CELSR1: variants seen among roughly 807,000 people sequenced by gnomAD.
The protein encoded by CELSR1 is cadherin EGF LAG seven-pass G-type receptor 1, also known as adhesion G protein-coupled receptor C1.
A neutral mutation model predicts 249.1 loss-of-function variants in CELSR1; 110 were observed. That is an observed-to-expected ratio of 0.44 (90% confidence interval 0.38 to 0.52). The LOEUF (loss-of-function observed/expected upper bound fraction) is 0.52. Ranked by LOEUF, CELSR1 falls within the 20% of genes least tolerant of loss-of-function variation. CELSR1 has a pLI of 0.00. For missense variants in CELSR1, 4,109 were observed against 4,296.4 expected (o/e 0.96, Z 1.22); for synonymous variants, 2,113 against 1,900.0 (o/e 1.11, Z -2.92).
At chr22:46,379,624 A>G (rs544811878) in intron 22 of CELSR1, among the ~76,000 whole-genome samples, 1 of 152,348 alleles carries the variant, frequency 6.6e-6, no homozygotes, top group South Asian at 2.1e-4. Context: ...TTGCTTATTA[A>G]CTAGAACTTG....
intron 3 of CELSR1, among the ~76,000 whole-genome samples, chr22:46,438,253 A>T (rs1047793654): frequency 2.0e-5 from 3 of 152,168 alleles, no homozygotes; most frequent in Non-Finnish European, 4.4e-5. Context: ...GCAGCTGGGA[A>T]CGGAGCCCGG....
chr22:46,366,236 AGGGAAGTTGCGGGTGGGAAG>A, intron 30 of CELSR1, 130 bp downstream of exon 30: 1 of 123,740 alleles, frequency 8.1e-6, no homozygotes, highest in Non-Finnish European at 1.4e-5. Flanking sequence ...CGGGGCAGGG[AGGGAAGTTGCGGGTGGGAAG>A]AAGGTGCGGG....
At chr22:46,426,145 G>GGGGAGGGCGCAGCCA (rs1406438802) in intron 5 of CELSR1, among the ~76,000 whole-genome samples, 9 of 152,246 alleles carry the variant, frequency 5.9e-5, no homozygotes, top group African/African-American at 2.2e-4. Flanking sequence ...GGGCGCAGCC[G>GGGGAGGGCGCAGCCA]GGGAGGGGGC....
Position 46,380,741 on chromosome 22 carries a change from T to TA in CELSR1, c.7256+46_7256+47insT. ...TGAGCCCCCGACCCTGCGGGGGCACTCTGCCTTGGCAAAGCCCTCACATGG... is the reference window on the plus strand; with the variant it reads ...TGAGCCCCCGACCCTGCGGGGGCACTACTGCCTTGGCAAAGCCCTCACATGG... On this transcript the variant is annotated intron_variant, in intron 22 of 34. Transcript: ENST00000674500. This position sits in a 1 kb window ranked among gnomAD's most constrained non-coding sequence, Gnocchi z 5.1. 3.1e-6 allele frequency: 5 copies of TA among 1,595,588 alleles called. No individual in the cohort carries two copies. Among genetic ancestry groups the TA allele is most frequent in the Non-Finnish European group, 2.6e-6 (3 of 1,169,882 alleles).
In CELSR1 at chr22:46,447,109, C is replaced by T. The variant is rs1387109622; in HGVS notation, c.4184-7698G>A. 1.3e-5 allele frequency among the ~76,000 whole-genome samples: 2 copies of T among 152,066 alleles called. No homozygotes were observed. ...AAACAAGGTAACTGGAGGGGCTGCT[C>T]CCCACCAACCCTCAGGGAGAATCCT... is the stretch of plus-strand genomic sequence containing the variant. On this transcript the variant is annotated intron_variant, in intron 2 of 34. Transcript: ENST00000674500. This position sits in a 1 kb window ranked among gnomAD's most constrained non-coding sequence, Gnocchi z 4.7.
chr22:46,520,380 G>A (rs373676502), intron 1 of CELSR1, among the ~76,000 whole-genome samples: 2 of 151,696 alleles, frequency 1.3e-5, no homozygotes, highest in African/African-American at 4.8e-5. Flanking sequence ...TCCCACACCT[G>A]AGTGTCTGCA....
Position 46,374,618 on chromosome 22 carries a change from C to T in CELSR1, c.7585-1561G>A, listed in dbSNP as rs1166983328. ...GCGCTCACTCCGGCAGGCGACGAGT[C>T]AGTGTGGGAACCCAGGGGCCGCCTC... On this transcript the variant is annotated intron_variant, in intron 24 of 34. Transcript: ENST00000674500. The surrounding 1 kb of genome is among the most constrained non-coding windows in gnomAD (Gnocchi z 4.3). Among the ~76,000 whole-genome samples the T allele has an allele frequency of 6.6e-6, 1 of 152,152 alleles. No homozygotes were observed. The highest frequency in any genetic ancestry group is 2.4e-5 in the African/African-American group (1 of 41,434).
intron 20 of CELSR1, among the ~76,000 whole-genome samples, chr22:46,383,580 G>T (rs545448366): frequency 6.1e-4 from 93 of 152,316 alleles, no homozygotes; most frequent in African/African-American, 2.0e-3. Context: ...AGGCTGGGCT[G>T]TAGTGGCACG....
Position 46,533,891 on chromosome 22 carries a change from G to T in CELSR1, c.3280C>A (p.Gln1094Lys). 6.2e-7 allele frequency: 1 copy of T among 1,613,452 alleles called. No individual in the cohort carries two copies. The highest frequency in any genetic ancestry group is 8.5e-7 in the Non-Finnish European group (1 of 1,180,030). The part of the protein sequence containing the change: ...RATVHILLVD[Q>K]NDNPPVLPDF... ...GGCAGCACAGGCGGGTTGTCATTCT[G>T]GTCCACGAGAAGGATGTGCACCGTG... Residue 1094 changes from glutamine (Q) to lysine (K), a missense_variant, in exon 1 of 35, where the codon CAG (glutamine) becomes AAG (lysine). Transcript: ENST00000674500.
At position 46,398,338 on chromosome 22, in the gene CELSR1, G is replaced by A. The variant is rs2079173597; in HGVS notation, c.5526+186C>T. 6.6e-6 allele frequency among the ~76,000 whole-genome samples: 1 copy of A among 152,152 alleles called. No individual in the cohort carries two copies. Among genetic ancestry groups the A allele is most frequent in the Admixed American group, 6.5e-5 (1 of 15,282 alleles). ...GGCCAGGGACGGCCCGGATGCCAAG[G>A]GGAACCGCAGGGGAGAATGGGTCTG... On this transcript the variant is annotated intron_variant, in intron 11 of 34. Coordinates refer to ENST00000674500, the MANE Select transcript of CELSR1 (RefSeq NM_001378328.1). The surrounding 1 kb of genome is among the most constrained non-coding windows in gnomAD (Gnocchi z 7.2).
chr22:46,381,017 G>A lies in CELSR1; in HGVS notation c.7089-62C>T, dbSNP rs1042524325. ...GTGAGGAAACATCTGCTTAAATCCCGCGCACAAATGCCCTGAGGACACGCC... is the reference window on the plus strand; with the variant it reads ...GTGAGGAAACATCTGCTTAAATCCCACGCACAAATGCCCTGAGGACACGCC... On this transcript the variant is annotated intron_variant, in intron 21 of 34. Transcript: ENST00000674500. This position sits in a 1 kb window ranked among gnomAD's most constrained non-coding sequence, Gnocchi z 6.0. 6.3e-5 allele frequency: 97 copies of A among 1,533,538 alleles called. No individual in the cohort carries two copies. Among genetic ancestry groups the A allele is most frequent in the African/African-American group, 4.8e-4 (35 of 73,040 alleles). 95.0% of individuals were successfully genotyped at this position (1,533,538 alleles called of 1,614,324 possible).
At chr22:46,376,022 G>A (rs1312954979) in intron 24 of CELSR1, among the ~76,000 whole-genome samples, 1 of 152,212 alleles carries the variant, frequency 6.6e-6, no homozygotes, top group Non-Finnish European at 1.5e-5. Context: ...GTGGGTTCCT[G>A]ATGTTACAGG....
In CELSR1 at chr22:46,386,394, C is replaced by T. The variant is rs140242369; in HGVS notation, c.6739+8G>A. 3,472 of 1,547,860 alleles carry T rather than the reference C, an allele frequency of 2.2e-3. 6 individuals are homozygous for T. The highest frequency in any genetic ancestry group is 2.8e-3 in the Non-Finnish European group (3,164 of 1,145,450). ...AGGGTTCCACCCCCAACGCAGCCAG[C>T]GCCTTACTCATGTTGGCGGTGACGA... On this transcript the variant is annotated splice_region_variant and intron_variant, in intron 19 of 34. Coordinates refer to ENST00000674500, the MANE Select transcript of CELSR1 (RefSeq NM_001378328.1).
In CELSR1 at chr22:46,433,396, G is replaced by A. The variant is rs751459322; in HGVS notation, c.4608C>T (p.Asn1536=). ...RWHSVQVQYY[N]KPNIGHLGLP... is the part of the protein sequence containing the mutation. Reference sequence around the variant, plus strand: ...GAAGTGGTGGGGCCCATCTTACCTTGTTGTAGTACTGCACCTGCACAGAGT... The same window carrying A: ...GAAGTGGTGGGGCCCATCTTACCTTATTGTAGTACTGCACCTGCACAGAGT... Residue 1536 remains asparagine (N), a synonymous_variant, in exon 5 of 35, where the codon AAC becomes AAT. Transcript: ENST00000674500. The surrounding 1 kb of genome is among the most constrained non-coding windows in gnomAD (Gnocchi z 5.7). The A allele has an allele frequency of 6.8e-6, 11 of 1,613,168 alleles. No homozygotes were observed. Among genetic ancestry groups the A allele is most frequent in the South Asian group, 5.5e-5 (5 of 91,040 alleles).
chr22:46,372,944 G>C lies in CELSR1; in HGVS notation c.7698C>G (p.Ile2566Met). ...VYRMLTEVRNIDTGPMRFYYV... is the reference protein window; with the variant it reads ...VYRMLTEVRNMDTGPMRFYYV... The stretch of plus-strand genomic sequence containing the variant: ...AGTAGAACCGCATGGGCCCCGTGTC[G>C]ATGTTGCGCACCTCGGTCAGCATGC... The change falls in exon 25 of 35, where the codon ATC (isoleucine) becomes ATG (methionine). Residue 2566 changes from isoleucine (I) to methionine (M), a missense_variant. Ile to Met is a conservative substitution (Grantham distance 10). Transcript: ENST00000674500. 6.2e-7 allele frequency: 1 copy of C among 1,613,334 alleles called. No homozygotes were observed. Among genetic ancestry groups the C allele is most frequent in the Non-Finnish European group, 8.5e-7 (1 of 1,179,860 alleles).
intron 1 of CELSR1, among the ~76,000 whole-genome samples, chr22:46,521,913 C>G (rs1010633336): frequency 6.6e-6 from 1 of 152,172 alleles, no homozygotes. Flanking sequence ...TCATATTTTG[C>G]GGAACCTCCA....
Position 46,411,114 on chromosome 22 carries a change from G to C in CELSR1, c.4769+488C>G, listed in dbSNP as rs1278966160. 1.3e-5 allele frequency among the ~76,000 whole-genome samples: 2 copies of C among 152,138 alleles called. No homozygotes were observed. Among genetic ancestry groups the C allele is most frequent in the Non-Finnish European group, 2.9e-5 (2 of 68,022 alleles). On this transcript the variant is annotated intron_variant, in intron 6 of 34. Coordinates refer to ENST00000674500, the MANE Select transcript of CELSR1 (RefSeq NM_001378328.1). This position sits in a 1 kb window ranked among gnomAD's most constrained non-coding sequence, Gnocchi z 4.2. ...CTCGGGAGGCTGTGGCAGGAGGATG[G>C]CTTGAGTCCAGGAGGTCAAGGCTTC...
At chr22:46,480,116 A>G (rs754167765) in intron 1 of CELSR1, among the ~76,000 whole-genome samples, 3 of 152,202 alleles carry the variant, frequency 2.0e-5, no homozygotes, top group Admixed American at 1.3e-4. Context: ...TATGTATCAC[A>G]ATCAAAATCC....
rs780457386 is a variant in CELSR1 at position 46,436,207 on chromosome 22, C to T, written c.4489G>A (p.Val1497Met). The change falls in exon 4 of 35, where the codon GTG (valine) becomes ATG (methionine). Residue 1497 changes from valine (V) to methionine (M), a missense_variant. Around this residue, in one of 7 missense-constraint regions of CELSR1, gnomAD observed 453 missense variants for 492.0 expected, o/e 0.92. Transcript: ENST00000674500. This position sits in a 1 kb window ranked among gnomAD's most constrained non-coding sequence, Gnocchi z 5.9. ...AAGGTGAGCTGCACCTGCTCGTCCA[C>T]GATCTCCAGGGCGATGAAGTCGTGC... ...EKHDFIALEI[V>M]DEQVQLTFSA... is the part of the protein sequence containing the mutation. 6.2e-6 allele frequency: 10 copies of T among 1,613,228 alleles called. No homozygotes were observed. The Middle Eastern group carries it at 5.0e-4, about 80-fold the overall frequency.
Sources: gnomAD v4.1 joint callset for allele counts (sites outside exome capture counted in the v4.1 genomes callset) on GRCh38, gnomAD v4.1.1 for gene constraint, gnomAD v4.1.1 regional missense constraint, Gnocchi (gnomAD v3.1) non-coding constraint, MANE v1.5 for transcripts, NCBI Gene and HGNC (gene_info 2026-07-23, HGNC 2026-07-21) for gene names.